Variants in UTP4 observed in about 807,000 individuals in gnomAD.
UTP4 encodes UTP4 small subunit processome component.
UTP4 carries 45 observed loss-of-function variants against 82.4 expected under a neutral mutation model. That is an observed-to-expected ratio of 0.55 (90% confidence interval 0.43 to 0.70). The LOEUF is 0.70. Ranked by LOEUF, UTP4 falls within the 30% of genes least tolerant of loss-of-function variation. The pLI, the probability that UTP4 is intolerant of heterozygous loss-of-function variation, is 0.00. For missense variants in UTP4, 819 were observed against 858.3 expected (o/e 0.95, Z 0.57); for synonymous variants, 348 against 300.3 (o/e 1.16, Z -1.64).
intron 13 of UTP4, 23 bp from the exon 14 acceptor site, chr16:69,163,060 T>C: frequency 8.8e-6 from 14 of 1,589,588 alleles, no homozygotes; most frequent in Non-Finnish European, 1.2e-5. Flanking sequence ...GAGTTGCCAC[T>C]TGTGTCTGTT....
chr16:69,158,166 T>TTA (rs1963470872), intron 12 of UTP4, among the ~76,000 whole-genome samples: 1 of 109,688 alleles, frequency 9.1e-6, no homozygotes, highest in Non-Finnish European at 1.9e-5. Context: ...CAACTCTTTT[T>TTA]TTTTTTTTTT....
At position 69,139,827 on chromosome 16, in the gene UTP4, CGCATCCTGAGTCTCAGCTG is replaced by C. The variant is rs1962912913; in HGVS notation, c.446_464del (p.Leu149ProfsTer11). 2 of 1,611,968 alleles carry C rather than the reference CGCATCCTGAGTCTCAGCTG, an allele frequency of 1.2e-6. No individual in the cohort carries two copies. The highest frequency in any genetic ancestry group is 3.3e-5 in the Admixed American group (2 of 60,002). ...TTTTTTGTTGTCCAACTCCCAAGGT[CGCATCCTGAGTCTCAGCTG>C]GCATCCCTCTGGTACCCACATTGCA... On this transcript the variant is annotated frameshift_variant, in exon 5 of 17. Transcript: ENST00000314423. LOFTEE classifies it high-confidence loss of function.
rs781456221 is a variant in UTP4 at position 69,165,377 on chromosome 16, G to T, written c.1684G>T (p.Asp562Tyr). Reference sequence around the variant, plus strand: ...CAGCATCCCAGACAAACAGTATACAGATTGGAGCCGGACTGTCCAGAAGCA... The same window carrying T: ...CAGCATCCCAGACAAACAGTATACATATTGGAGCCGGACTGTCCAGAAGCA... ...EYSIPDKQYT[D>Y]WSRTVQKQGF... The change falls in exon 15 of 17, where the codon GAT (aspartate) becomes TAT (tyrosine). Residue 562 changes from aspartate (D) to tyrosine (Y), a missense_variant. By Grantham distance (160) the Asp-to-Tyr change is radical. Coordinates refer to ENST00000314423, the MANE Select transcript of UTP4 (RefSeq NM_032830.3). The T allele has an allele frequency of 1.2e-6, 2 of 1,614,094 alleles. No homozygotes were observed. Among genetic ancestry groups the T allele is most frequent in the Admixed American group, 1.7e-5 (1 of 60,006 alleles).
intron 13 of UTP4, among the ~76,000 whole-genome samples, chr16:69,161,142 A>G (rs1428970121): frequency 6.6e-6 from 1 of 152,194 alleles, no homozygotes; most frequent in Non-Finnish European, 1.5e-5. Context: ...AGTTCCTTTC[A>G]TGGCTTGCCT....
intron 14 of UTP4, among the ~76,000 whole-genome samples, chr16:69,164,694 A>C (rs1384892361): frequency 6.6e-6 from 1 of 150,754 alleles, no homozygotes; most frequent in Non-Finnish European, 1.5e-5. Context: ...CTTTGTTTGT[A>C]GTAGACAAAG....
At chr16:69,157,376 T>TGAAACAG in intron 12 of UTP4, 136 bp downstream of exon 12, 1 of 876,166 alleles carries the variant, frequency 1.1e-6, no homozygotes, top group Non-Finnish European at 1.9e-6. Context: ...GTTTGCTGTT[T>TGAAACAG]CAAGTAGGAG....
chr16:69,162,258 C>T (rs919605899), intron 13 of UTP4, among the ~76,000 whole-genome samples: 7 of 151,794 alleles, frequency 4.6e-5, no homozygotes, highest in Admixed American at 3.9e-4. Context: ...TGAGCCACTG[C>T]GCCCGGCCAA....
chr16:69,133,744 C>G, intron 2 of UTP4, 126 bp downstream of exon 2: 1 of 928,646 alleles, frequency 1.1e-6, no homozygotes, highest in South Asian at 1.4e-5. Flanking sequence ...TTGCTTAGAA[C>G]TACCAAACTT....
chr16:69,159,479 A>G (rs1597150350), intron 12 of UTP4, among the ~76,000 whole-genome samples: 1 of 152,052 alleles, frequency 6.6e-6, no homozygotes, highest in Non-Finnish European at 1.5e-5. Context: ...CATAAGGTCA[A>G]GAGATCGAGA....
At chr16:69,165,194 CAAA>C (rs111880969) in intron 14 of UTP4, 144 bp from the exon 15 acceptor site, 109 of 589,574 alleles carry the variant, frequency 1.8e-4, no homozygotes, top group Non-Finnish European at 2.3e-4. Context: ...GACTCCATCT[CAAA>C]AAAAAAAAAA....
intron 8 of UTP4, among the ~76,000 whole-genome samples, chr16:69,153,210 G>A (rs1963322308): frequency 6.6e-6 from 1 of 152,134 alleles, no homozygotes. Flanking sequence ...TCGCCTGACT[G>A]GTCTTTCCCA....
chr16:69,137,010 TG>T, intron 3 of UTP4, 123 bp downstream of exon 3: 1 of 845,308 alleles, frequency 1.2e-6, no homozygotes, highest in Non-Finnish European at 2.1e-6. Context: ...ACTATAAGAT[TG>T]GAATTGATAG....
intron 6 of UTP4, among the ~76,000 whole-genome samples, 193 bp from the exon 7 acceptor site, chr16:69,150,344 C>T (rs1164825281): frequency 6.6e-6 from 1 of 152,146 alleles, no homozygotes; most frequent in Non-Finnish European, 1.5e-5. Flanking sequence ...GTAGGGGGCG[C>T]ATTGTTACCA....
rs147659122 is a variant in UTP4 at position 69,160,689 on chromosome 16, C to T, written c.1551+227C>T. 7.6e-3 allele frequency among the ~76,000 whole-genome samples: 1,158 copies of T among 151,458 alleles called. 22 individuals carry two copies. The highest frequency in any genetic ancestry group is 0.027 in the African/African-American group (1,106 of 41,248). ...TCGGCTCACTGCAACCTCAGCCTCCCGGGTTCAAATGATTCTCCTGTCTCA... is the reference window on the plus strand; with the variant it reads ...TCGGCTCACTGCAACCTCAGCCTCCTGGGTTCAAATGATTCTCCTGTCTCA... On this transcript the variant is annotated intron_variant, in intron 13 of 16. Transcript: ENST00000314423.
chr16:69,145,425 T>A (rs1285375248), intron 6 of UTP4, among the ~76,000 whole-genome samples: 1 of 152,042 alleles, frequency 6.6e-6, no homozygotes, highest in African/African-American at 2.4e-5. Flanking sequence ...CATGCCAGGC[T>A]AATTTTTGTA....
At chr16:69,150,357 G>C (rs1278540325) in intron 6 of UTP4, among the ~76,000 whole-genome samples, 180 bp from the exon 7 acceptor site, 2 of 152,178 alleles carry the variant, frequency 1.3e-5, no homozygotes, top group Admixed American at 1.3e-4. Context: ...TGTTACCAGT[G>C]TCTGAGCTTG....
chr16:69,148,709 T>C lies in UTP4; in HGVS notation c.739-1828T>C, dbSNP rs1226012211. Among the ~76,000 whole-genome samples, 3 of 151,158 alleles carry C rather than the reference T, an allele frequency of 2.0e-5. No homozygotes were observed. In the Admixed American group the frequency reaches 2.0e-4, roughly 10 times the overall value. ...TCACTGCAGCCTCTGCCTCCCAGGC[T>C]CGAGCAATCCTACCTCAGCCTCCCA... is the stretch of plus-strand genomic sequence containing the variant. On this transcript the variant is annotated intron_variant, in intron 6 of 16. Transcript: ENST00000314423.
chr16:69,155,084 TGA>T (rs1297445821), intron 10 of UTP4, among the ~76,000 whole-genome samples: 1 of 152,240 alleles, frequency 6.6e-6, no homozygotes, highest in Non-Finnish European at 1.5e-5. Flanking sequence ...AATCATTTTG[TGA>T]GTTTTTAAAA....
intron 8 of UTP4, among the ~76,000 whole-genome samples, chr16:69,152,558 C>T (rs1196695440): frequency 6.8e-6 from 1 of 147,622 alleles, no homozygotes; most frequent in East Asian, 2.0e-4. Context: ...CAACCTCAGT[C>T]TCCTGGGTTC....
Sources: allele counts gnomAD v4.1 joint callset (sites outside exome capture counted in the v4.1 genomes callset), GRCh38; gene constraint gnomAD v4.1.1; transcripts MANE v1.5; gene names NCBI Gene and HGNC (gene_info 2026-07-23, HGNC 2026-07-21).